Variants in CELF2 observed in about 807,000 individuals in gnomAD.
CELF2 encodes the protein CUG triplet repeat RNA-binding protein 2.
A neutral mutation model predicts 62.6 loss-of-function variants in CELF2; 8 were observed. The observed-to-expected ratio is 0.13, with a 90% CI of 0.07 to 0.23. The LOEUF is 0.23. Ranked by LOEUF, CELF2 falls within the 10% of genes least tolerant of loss-of-function variation. The probability of loss-of-function intolerance (pLI) is 1.00; values close to 1 mark genes in which losing one functional copy is unlikely to be tolerated. For missense variants in CELF2, 333 were observed against 671.0 expected, an observed-to-expected ratio of 0.50 and a Z score of 5.56; for synonymous variants, 258 against 250.0, an observed-to-expected ratio of 1.03 and a Z score of -0.30.
the CELF2 span, among the ~76,000 whole-genome samples, chr10:10,590,159 ATG>A: frequency 1.7e-4 from 26 of 150,812 alleles, no homozygotes; most frequent in Middle Eastern, 0.01. Flanking sequence ...ACACATGTGC[ATG>A]CACACACACA....
chr10:10,486,332 C>T, the CELF2 span, among the ~76,000 whole-genome samples: 3 of 152,156 alleles, frequency 2.0e-5, no homozygotes, highest in Non-Finnish European at 4.4e-5. Context: ...TAGAAACTGG[C>T]CCCATAATGA....
chr10:10,851,405 T>A (rs1464129938), intron 1 of CELF2, among the ~76,000 whole-genome samples: 3 of 152,146 alleles, frequency 2.0e-5, no homozygotes, highest in African/African-American at 7.2e-5. Context: ...GCAAAAACAT[T>A]AACTTCGATT....
chr10:11,072,462 C>A (rs537073011), intron 1 of CELF2, among the ~76,000 whole-genome samples: 210 of 152,328 alleles, frequency 1.4e-3, no homozygotes, highest in African/African-American at 4.8e-3. Flanking sequence ...GGAACCTCTA[C>A]AGTCAGTGCT....
At chr10:10,559,047 A>T in the CELF2 span, among the ~76,000 whole-genome samples, 1 of 152,212 alleles carries the variant, frequency 6.6e-6, no homozygotes. Context: ...ATTAATTTTA[A>T]CTATTTCTTT....
chr10:10,874,180 A>G (rs1447935337), intron 1 of CELF2, among the ~76,000 whole-genome samples: 3 of 152,082 alleles, frequency 2.0e-5, no homozygotes, highest in Non-Finnish European at 1.5e-5. Flanking sequence ...TTAGCCAGGC[A>G]TGGTGGCACA....
In CELF2 at chr10:11,334,590, T is replaced by C. The variant is rs902158185; in HGVS notation, c.*5537T>C. The C allele has an allele frequency of 6.6e-6, 1 of 152,306 alleles. No individual in the cohort carries two copies. The highest frequency in any genetic ancestry group is 1.5e-5 in the Non-Finnish European group (1 of 68,052). The allele number at this position is 152,306 out of a possible 1,614,324, so 9.4% of individuals were successfully genotyped here. A position where few individuals can be genotyped will look rare whatever the true frequency, so the allele number is the denominator to read the frequency against. On this transcript the variant is annotated 3_prime_UTR_variant, in exon 13 of 13. Transcript: ENST00000633077. The stretch of plus-strand genomic sequence containing the variant: ...CCTGCTTCCAAGATTTATACACTTT[T>C]TTCCTACAGTTCACCTCAGTAACTG...
At chr10:10,667,325 G>A in the CELF2 span, among the ~76,000 whole-genome samples, 1 of 152,270 alleles carries the variant, frequency 6.6e-6, no homozygotes, top group African/African-American at 2.4e-5. Context: ...AAACGACCAC[G>A]CGTTTGTTTT....
chr10:10,559,260 G>C, the CELF2 span, among the ~76,000 whole-genome samples: 1 of 152,140 alleles, frequency 6.6e-6, no homozygotes, highest in African/African-American at 2.4e-5. Context: ...TGAAGAATTC[G>C]ATGTTTTCTC....
rs534496148 is a variant in CELF2 at position 11,031,989 on chromosome 10, T to A, written c.74+13826T>A. Among the ~76,000 whole-genome samples the A allele has an allele frequency of 1.9e-3, 288 of 152,148 alleles. 2 individuals are homozygous for A. Among genetic ancestry groups the A allele is most frequent in the African/African-American group, 6.4e-3 (264 of 41,528 alleles). On this transcript the variant is annotated intron_variant, in intron 1 of 12. Transcript: ENST00000633077. ...GCACCTCCTCACACAAGTCCTCTAT[T>A]TCCACCCTGTGAAACAAACACAATT...
chr10:10,796,951 A>G, upstream of CELF2: 1 of 937,544 alleles, frequency 1.1e-6, no homozygotes, highest in Non-Finnish European at 1.3e-6. Context: ...TGCACTTCTG[A>G]AGAAAGTCAT....
chr10:10,832,277 A>AT (rs1464027808), intron 1 of CELF2, among the ~76,000 whole-genome samples: 4 of 151,686 alleles, frequency 2.6e-5, no homozygotes, highest in Admixed American at 1.3e-4. Context: ...AAAAAAAAAA[A>AT]ATAAAAATAA....
the CELF2 span, among the ~76,000 whole-genome samples, chr10:10,569,525 C>T: frequency 6.6e-6 from 1 of 152,106 alleles, no homozygotes; most frequent in Non-Finnish European, 1.5e-5. Context: ...GGAGACACAG[C>T]CAAACCCTAT....
upstream of CELF2, among the ~76,000 whole-genome samples, chr10:11,001,470 A>C (rs1473067438): frequency 6.6e-6 from 1 of 152,252 alleles, no homozygotes; most frequent in Non-Finnish European, 1.5e-5. Context: ...CAGAAAAAAA[A>C]CTTAAGAATC....
the CELF2 span, among the ~76,000 whole-genome samples, chr10:10,579,966 G>A: frequency 9.9e-5 from 15 of 151,994 alleles, no homozygotes; most frequent in African/African-American, 3.6e-4. Flanking sequence ...TACAGGAACC[G>A]ATAACAAAGA....
At chr10:10,911,175 G>A (rs547578317) in intron 1 of CELF2, among the ~76,000 whole-genome samples, 2 of 152,276 alleles carry the variant, frequency 1.3e-5, no homozygotes, top group African/African-American at 4.8e-5. Flanking sequence ...CGAAATGACG[G>A]AAGGGACACC....
chr10:10,868,763 G>C (rs2060541053), intron 1 of CELF2, among the ~76,000 whole-genome samples: 2 of 152,142 alleles, frequency 1.3e-5, no homozygotes, highest in Admixed American at 1.3e-4. Context: ...AGAAATCAAT[G>C]GATGTATCAT....
chr10:10,951,232 C>A (rs761379158), intron 2 of CELF2, among the ~76,000 whole-genome samples: 1 of 152,076 alleles, frequency 6.6e-6, no homozygotes, highest in Non-Finnish European at 1.5e-5. Flanking sequence ...CAGCCTCGAC[C>A]TTTTGGGCTC....
rs2065804566 is a variant in CELF2 at position 10,928,915 on chromosome 10, G to T, written c.89+8916G>T. Among the ~76,000 whole-genome samples the T allele has an allele frequency of 6.6e-6, 1 of 152,172 alleles. No individual in the cohort carries two copies. The highest frequency in any genetic ancestry group is 2.4e-5 in the African/African-American group (1 of 41,448). ...CGAATAAATATTTGCATAAGTGTTTGACCGTCTGAATAGATGTTTAAATGA... is the reference window on the plus strand; with the variant it reads ...CGAATAAATATTTGCATAAGTGTTTTACCGTCTGAATAGATGTTTAAATGA... On this transcript the variant is annotated intron_variant, in intron 2 of 13. Transcript: ENST00000636488. This position sits in a 1 kb window ranked among gnomAD's most constrained non-coding sequence, Gnocchi z 4.8.
Position 11,305,763 on chromosome 10 carries a change from A to C in CELF2, c.977-8376A>C, listed in dbSNP as rs2094155623. Among the ~76,000 whole-genome samples the C allele has an allele frequency of 6.6e-6, 1 of 152,212 alleles. No individual in the cohort carries two copies. The highest frequency in any genetic ancestry group is 1.5e-5 in the Non-Finnish European group (1 of 68,040). The stretch of plus-strand genomic sequence containing the variant: ...GAGAAGGAACCCATCCCGTCCCCTC[A>C]GTTGGGATTAGTGTTTGGGATTACT... On this transcript the variant is annotated intron_variant, in intron 9 of 12. Coordinates refer to ENST00000633077, the MANE Select transcript of CELF2 (RefSeq NM_001326342.2). This position sits in a 1 kb window ranked among gnomAD's most constrained non-coding sequence, Gnocchi z 4.8.
Sources: gnomAD v4.1 joint callset for allele counts (sites outside exome capture counted in the v4.1 genomes callset) on GRCh38, gnomAD v4.1.1 for gene constraint, Gnocchi (gnomAD v3.1) non-coding constraint, MANE v1.5 for transcripts, NCBI Gene and HGNC (gene_info 2026-07-23, HGNC 2026-07-21) for gene names.